Variants in LDB2 observed in about 807,000 individuals in gnomAD.
LDB2 encodes LIM domain binding 2, also known as LIM domain-binding protein 2.
A neutral mutation model predicts 44.3 loss-of-function variants in LDB2; 12 were observed. The ratio of observed to expected loss-of-function variants is 0.27; its 90% confidence interval spans 0.17 to 0.44. LDB2 has a LOEUF of 0.44. LDB2 is among the 20% of genes least tolerant of loss of function. The pLI, the probability that LDB2 is intolerant of heterozygous loss-of-function variation, is 1.00. For missense variants in LDB2, 344 were observed against 473.5 expected (o/e 0.73, Z 2.54); for synonymous variants, 164 against 174.8 (o/e 0.94, Z 0.49).
chr4:16,577,387 T>C (rs1009137343), intron 5 of LDB2, among the ~76,000 whole-genome samples: 2 of 151,978 alleles, frequency 1.3e-5, no homozygotes, highest in South Asian at 2.1e-4. Context: ...AGTTGCGCAA[T>C]ACAAAATCAA....
intron 1 of LDB2, among the ~76,000 whole-genome samples, chr4:16,815,918 T>C (rs2109910822): frequency 6.6e-6 from 1 of 152,278 alleles, no homozygotes; most frequent in South Asian, 2.1e-4. Context: ...TAAAATCATA[T>C]TACTTCAGGC....
intron 5 of LDB2, among the ~76,000 whole-genome samples, chr4:16,570,550 G>A (rs1271264573): frequency 1.4e-5 from 2 of 140,126 alleles, no homozygotes; most frequent in African/African-American, 5.2e-5. Context: ...AACAACAGAA[G>A]GGTAAACTGA....
intron 5 of LDB2, among the ~76,000 whole-genome samples, chr4:16,554,353 C>T (rs973241048): frequency 1.3e-5 from 2 of 152,104 alleles, no homozygotes; most frequent in African/African-American, 2.4e-5. Flanking sequence ...CCCGGCCAGC[C>T]GAAATGGTTT....
At chr4:16,872,489 C>T (rs1046133109) in intron 1 of LDB2, among the ~76,000 whole-genome samples, 1 of 152,188 alleles carries the variant, frequency 6.6e-6, no homozygotes, top group African/African-American at 2.4e-5. Flanking sequence ...GTTCCTTCAA[C>T]TGAATTGTAA....
intron 3 of LDB2, among the ~76,000 whole-genome samples, chr4:16,595,179 C>G (rs187209499): frequency 6.6e-6 from 1 of 152,168 alleles, no homozygotes; most frequent in East Asian, 1.9e-4. Flanking sequence ...CTCATTCACT[C>G]TTTTGTAAGT....
intron 5 of LDB2, among the ~76,000 whole-genome samples, chr4:16,566,087 C>T (rs900583874): frequency 2.6e-5 from 4 of 151,958 alleles, no homozygotes; most frequent in African/African-American, 9.6e-5. Flanking sequence ...AAAGACAAAA[C>T]ATCATCATAA....
intron 1 of LDB2, among the ~76,000 whole-genome samples, chr4:16,761,006 TG>T (rs1442263402): frequency 9.6e-4 from 145 of 150,372 alleles, no homozygotes; most frequent in African/African-American, 3.4e-3. Context: ...TCTGTGTGTG[TG>T]GTTTTTTTTT....
intron 1 of LDB2, among the ~76,000 whole-genome samples, chr4:16,821,830 T>C (rs1490471844): frequency 2.0e-5 from 3 of 149,378 alleles, no homozygotes; most frequent in Non-Finnish European, 3.0e-5. Context: ...AGCCTCATTT[T>C]CTACAGTGAA....
Position 16,508,590 on chromosome 4 carries a change from G to A in LDB2, c.836C>T (p.Thr279Ile). ...NSSAGNNANSTGSKKKTTAAN... is the reference protein window; with the variant it reads ...NSSAGNNANSIGSKKKTTAAN... ...AGCTGTGGTCTTCTTCTTGCTGCCAGTGCTGTTTGCATTGTTCCCAGCGCT... is the reference window on the plus strand; with the variant it reads ...AGCTGTGGTCTTCTTCTTGCTGCCAATGCTGTTTGCATTGTTCCCAGCGCT... The change falls in exon 7 of 8, where the codon ACT becomes ATT. Residue 279 changes from threonine (T) to isoleucine (I), a missense_variant. Thr to Ile is a moderately conservative substitution (Grantham distance 89, BLOSUM62 -1). Around this residue, in one of 3 missense-constraint regions of LDB2, gnomAD observed 86 missense variants for 171.2 expected, o/e 0.50. Coordinates refer to ENST00000304523, the MANE Select transcript of LDB2 (RefSeq NM_001290.5). 1 of 1,613,376 alleles carries A rather than the reference G, an allele frequency of 6.2e-7. No homozygotes were observed. Among genetic ancestry groups the A allele is most frequent in the African/African-American group, 1.3e-5 (1 of 75,028 alleles).
At chr4:16,767,352 G>A (rs1375204044) in intron 1 of LDB2, among the ~76,000 whole-genome samples, 1 of 152,148 alleles carries the variant, frequency 6.6e-6, no homozygotes, top group African/African-American at 2.4e-5. Context: ...ACCAAAAGGA[G>A]GATTATTTCT....
At chr4:16,747,650 A>G (rs182843098) in intron 2 of LDB2, among the ~76,000 whole-genome samples, 1 of 152,210 alleles carries the variant, frequency 6.6e-6, no homozygotes, top group African/African-American at 2.4e-5. Context: ...GGACAAATAC[A>G]TCTCTCAGCT....
In LDB2 at chr4:16,850,947, A is replaced by AGT. The variant is rs71181193; in HGVS notation, c.132+47405_132+47406dup. Among the ~76,000 whole-genome samples, 489 of 143,156 alleles carry AGT rather than the reference A, an allele frequency of 3.4e-3. 4 individuals carry two copies. The highest frequency in any genetic ancestry group is 6.9e-3 in the Middle Eastern group (2 of 288). 93.9% of individuals were successfully genotyped at this position (143,156 alleles called of 152,430 possible). ...GATATAGGTAATAGTTAAAACCATA[A>AGT]GTGTGTGTGTGTGTGTGTGTGTGTG... On this transcript the variant is annotated intron_variant, in intron 1 of 7. Transcript: ENST00000304523.
chr4:16,505,918 G>A, intron 7 of LDB2: 1 of 1,551,654 alleles, frequency 6.4e-7, no homozygotes, highest in Non-Finnish European at 8.7e-7. Flanking sequence ...GGTCACTGCT[G>A]TTGAATGACA....
intron 2 of LDB2, among the ~76,000 whole-genome samples, chr4:16,744,621 C>T (rs2109046480): frequency 6.6e-6 from 1 of 152,218 alleles, no homozygotes; most frequent in South Asian, 2.1e-4. Flanking sequence ...ACTACAGGTG[C>T]CCGCCACCAT....
At chr4:16,674,433 A>G (rs1275798444) in intron 2 of LDB2, 7 of 437,252 alleles carry the variant, frequency 1.6e-5, no homozygotes, top group South Asian at 3.4e-5. Context: ...AGGAGCACCC[A>G]TCATTCATTG....
chr4:16,642,829 A>G (rs2152512325), intron 2 of LDB2, among the ~76,000 whole-genome samples: 2 of 152,378 alleles, frequency 1.3e-5, no homozygotes, highest in Admixed American at 1.3e-4. Flanking sequence ...GTGAATAGAC[A>G]TTGGACAAAT....
At chr4:16,674,331 C>CAGTG (rs1189725772) in intron 2 of LDB2, 2 of 1,193,302 alleles carry the variant, frequency 1.7e-6, no homozygotes, top group African/African-American at 3.1e-5. Flanking sequence ...TGCAGAAAGA[C>CAGTG]AGTGCTCTTT....
At chr4:16,729,669 A>G (rs116429657) in intron 2 of LDB2, among the ~76,000 whole-genome samples, 2,481 of 152,338 alleles carry the variant, frequency 0.016, 31 homozygotes, top group Non-Finnish European at 0.025. Flanking sequence ...AATCAAATGA[A>G]GCTTTGGCTG....
intron 1 of LDB2, among the ~76,000 whole-genome samples, chr4:16,887,242 A>G (rs1217738559): frequency 6.6e-6 from 1 of 151,452 alleles, no homozygotes. Context: ...AAAGAAAAAG[A>G]ATAAAAAGAA....
Sources: gnomAD v4.1 joint callset for allele counts (sites outside exome capture counted in the v4.1 genomes callset) on GRCh38, gnomAD v4.1.1 for gene constraint, gnomAD v4.1.1 regional missense constraint, MANE v1.5 for transcripts, NCBI Gene and HGNC (gene_info 2026-07-23, HGNC 2026-07-21) for gene names.